The following DEPTOR variants were observed in gnomAD, a reference collection of about 807,000 sequenced individuals.
DEPTOR encodes the protein DEP domain containing MTOR interacting protein.
In DEPTOR, 41 loss-of-function variants were observed where a neutral mutation model predicts 41.6. That is an observed-to-expected ratio of 0.98 (90% CI 0.77 to 1.28). DEPTOR has a LOEUF of 1.28. DEPTOR is among the 50% of genes most tolerant of loss of function. The probability of loss-of-function intolerance (pLI) is 0.00; values close to 1 mark genes in which losing one functional copy is unlikely to be tolerated. For missense variants in DEPTOR, 514 were observed against 527.9 expected, an observed-to-expected ratio of 0.97 and a Z score of 0.26; for synonymous variants, 195 against 192.3, an observed-to-expected ratio of 1.01 and a Z score of -0.12.
At chr8:119,938,582 G>A (rs1828141066) in intron 3 of DEPTOR, among the ~76,000 whole-genome samples, 1 of 151,996 alleles carries the variant, frequency 6.6e-6, no homozygotes, top group South Asian at 2.1e-4. Flanking sequence ...GCACAATCTT[G>A]GCTGGTTGCA....
At chr8:119,931,579 G>A (rs980598332) in intron 3 of DEPTOR, among the ~76,000 whole-genome samples, 1 of 152,094 alleles carries the variant, frequency 6.6e-6, no homozygotes, top group East Asian at 1.9e-4. Context: ...TGTGTTATGC[G>A]CTCTGTCCCA....
intron 4 of DEPTOR, among the ~76,000 whole-genome samples, chr8:119,987,379 T>C (rs908202688): frequency 1.3e-5 from 2 of 152,176 alleles, no homozygotes; most frequent in Non-Finnish European, 2.9e-5. Context: ...CAGCAAAGAT[T>C]GCTGCCTGTT....
intron 7 of DEPTOR, among the ~76,000 whole-genome samples, chr8:120,008,527 C>CAAAA (rs35570467): frequency 0.19 from 18,845 of 99,364 alleles, 2,149 homozygotes; most frequent in Non-Finnish European, 0.2. Context: ...GACTCTGTCT[C>CAAAA]AAAAAAAAAA....
intron 1 of DEPTOR, among the ~76,000 whole-genome samples, chr8:119,907,499 C>A (rs1827678192): frequency 1.3e-5 from 2 of 152,118 alleles, no homozygotes; most frequent in Admixed American, 1.3e-4. Context: ...CACCATGATT[C>A]CTGCCCTTAG....
Position 119,883,877 on chromosome 8 carries a change from G to A in DEPTOR, c.122+9909G>A, listed in dbSNP as rs558192513. Among the ~76,000 whole-genome samples the A allele has an allele frequency of 2.6e-5, 4 of 152,300 alleles. No homozygotes were observed. In the South Asian group the frequency reaches 8.3e-4, roughly 32 times the overall value. ...TCCATGAGGCACTCCTTTGAGTGATGAAACTATTACAGCTATAGAGAACAG... is the reference window on the plus strand; with the variant it reads ...TCCATGAGGCACTCCTTTGAGTGATAAAACTATTACAGCTATAGAGAACAG... On this transcript the variant is annotated intron_variant, in intron 1 of 8. Coordinates refer to ENST00000286234, the MANE Select transcript of DEPTOR (RefSeq NM_022783.4).
chr8:119,883,468 C>T (rs1247370692), intron 1 of DEPTOR, among the ~76,000 whole-genome samples: 1 of 80,418 alleles, frequency 1.2e-5, no homozygotes, highest in African/African-American at 4.5e-5. Context: ...GAGCGAGACT[C>T]GTCTTAAAAA....
chr8:120,001,394 T>C, intron 4 of DEPTOR, 131 bp from the exon 5 acceptor site: 1 of 752,712 alleles, frequency 1.3e-6, no homozygotes, highest in Non-Finnish European at 2.0e-6. Flanking sequence ...GGGCGGCAGC[T>C]CATGTGGCAT....
At position 119,907,843 on chromosome 8, in the gene DEPTOR, G is replaced by C. The variant is rs114670768; in HGVS notation, c.123-20557G>C. 3.3e-3 allele frequency among the ~76,000 whole-genome samples: 496 copies of C among 152,048 alleles called. 1 individual carries two copies. Among genetic ancestry groups the C allele is most frequent in the African/African-American group, 0.011 (472 of 41,352 alleles). On this transcript the variant is annotated intron_variant, in intron 1 of 8. Coordinates refer to ENST00000286234, the MANE Select transcript of DEPTOR (RefSeq NM_022783.4). ...ATCAATGGAGGGCAATTGAGTTACT[G>C]TGATATAATATGAAATATATTTAGT... is the stretch of plus-strand genomic sequence containing the variant.
intron 1 of DEPTOR, among the ~76,000 whole-genome samples, chr8:119,892,448 T>G (rs10094458): frequency 0.5 from 75,652 of 152,116 alleles, 20,478 homozygotes; most frequent in East Asian, 0.92. Context: ...TAAGTAATAG[T>G]AATGAATCCA....
chr8:119,973,201 A>G (rs1364738765), intron 4 of DEPTOR, among the ~76,000 whole-genome samples: 2 of 151,110 alleles, frequency 1.3e-5, no homozygotes, highest in African/African-American at 4.9e-5. Flanking sequence ...AGCCTCCCAA[A>G]GTGTTGAGAT....
intron 3 of DEPTOR, among the ~76,000 whole-genome samples, chr8:119,957,476 T>TC: frequency 6.6e-6 from 1 of 152,156 alleles, no homozygotes; most frequent in East Asian, 1.9e-4. Flanking sequence ...CGCTAGTTTT[T>TC]CTTCCATTTT....
At chr8:120,048,389 G>A (rs1246024130) in intron 8 of DEPTOR, among the ~76,000 whole-genome samples, 1 of 152,176 alleles carries the variant, frequency 6.6e-6, no homozygotes, top group Non-Finnish European at 1.5e-5. Context: ...AATTACTGTG[G>A]CCTAGTTCAG....
intron 4 of DEPTOR, among the ~76,000 whole-genome samples, chr8:119,970,482 C>T (rs1385595705): frequency 6.6e-6 from 1 of 152,158 alleles, no homozygotes; most frequent in Non-Finnish European, 1.5e-5. Flanking sequence ...GGTATGGCTG[C>T]CTGGCATGAT....
intron 1 of DEPTOR, among the ~76,000 whole-genome samples, chr8:119,922,331 C>T (rs1416763878): frequency 2.6e-5 from 4 of 151,930 alleles, no homozygotes; most frequent in Non-Finnish European, 5.9e-5. Context: ...ATAATATAGT[C>T]CTTCTCCTAC....
At chr8:120,027,716 A>G (rs1812820612) in intron 8 of DEPTOR, among the ~76,000 whole-genome samples, 1 of 152,066 alleles carries the variant, frequency 6.6e-6, no homozygotes, top group Non-Finnish European at 1.5e-5. Context: ...AAAAAAAAAA[A>G]AGAGTAAATT....
At chr8:119,941,988 C>T (rs1828210050) in intron 3 of DEPTOR, among the ~76,000 whole-genome samples, 3 of 152,140 alleles carry the variant, frequency 2.0e-5, no homozygotes, top group Admixed American at 2.0e-4. Flanking sequence ...TGGCTCATGC[C>T]AACTTTTTGG....
At chr8:120,049,450 T>C (rs1813198941) in intron 8 of DEPTOR, 126 bp from the exon 9 acceptor site, 3 of 1,119,790 alleles carry the variant, frequency 2.7e-6, no homozygotes, top group Non-Finnish European at 3.6e-6. Context: ...ATTGGAGTCG[T>C]CAGCTGGATA....
At chr8:120,029,724 T>A (rs1290413519) in intron 8 of DEPTOR, among the ~76,000 whole-genome samples, 1 of 152,122 alleles carries the variant, frequency 6.6e-6, no homozygotes, top group Non-Finnish European at 1.5e-5. Flanking sequence ...TTTTTTCTGC[T>A]GAAAAGAAAA....
At chr8:119,922,260 A>G (rs896787707) in intron 1 of DEPTOR, among the ~76,000 whole-genome samples, 1 of 151,720 alleles carries the variant, frequency 6.6e-6, no homozygotes, top group African/African-American at 2.4e-5. Flanking sequence ...AAAGATAAAT[A>G]CTATCTAATA....
Sources: allele counts gnomAD v4.1 joint callset (sites outside exome capture counted in the v4.1 genomes callset), GRCh38; gene constraint gnomAD v4.1.1; transcripts MANE v1.5; gene names NCBI Gene and HGNC (gene_info 2026-07-23, HGNC 2026-07-21).